Variants in FBN2 observed in about 807,000 individuals in gnomAD.
The protein encoded by FBN2 is fibrillin 2, also known as fibrillin-2.
In FBN2, 105 loss-of-function variants were observed where a neutral mutation model predicts 355.6. The observed-to-expected ratio is 0.30, with a 90% CI of 0.25 to 0.35. FBN2 has a LOEUF of 0.35. Among genes scored for constraint, FBN2 ranks in the 10% least tolerant of loss-of-function variants. The pLI is 1.00. For synonymous variants in FBN2, 1,350 were observed against 1,301.2 expected, an observed-to-expected ratio of 1.04 and a Z score of -0.81; for missense variants, 3,280 against 3,758.7, an observed-to-expected ratio of 0.87 and a Z score of 3.33.
At chr5:128,440,185 G>A (rs969709336) in intron 7 of FBN2, among the ~76,000 whole-genome samples, 1 of 151,998 alleles carries the variant, frequency 6.6e-6, no homozygotes, top group Non-Finnish European at 1.5e-5. Context: ...ATATTTTGCT[G>A]TCTTATCTTT....
Position 128,358,563 on chromosome 5 carries a change from T to C in FBN2, c.2555-1168A>G, listed in dbSNP as rs917988638. On this transcript the variant is annotated intron_variant, in intron 19 of 64. Transcript: ENST00000262464. ...GCTAATTTAATTCTTGAAATAGAAA[T>C]TGTTTGAAGAAATATGAATGTATTT... Among the ~76,000 whole-genome samples the C allele has an allele frequency of 6.1e-4, 93 of 152,220 alleles. 1 individual carries two copies. Among genetic ancestry groups the C allele is most frequent in the African/African-American group, 2.1e-3 (88 of 41,576 alleles).
chr5:128,329,123 T>C (rs1479566688), intron 33 of FBN2, among the ~76,000 whole-genome samples: 1 of 152,218 alleles, frequency 6.6e-6, no homozygotes, highest in Non-Finnish European at 1.5e-5. Flanking sequence ...GTTTCTCTTG[T>C]CAGTAGTATG....
chr5:128,497,369 G>C (rs1247614968), intron 5 of FBN2, among the ~76,000 whole-genome samples: 1 of 152,192 alleles, frequency 6.6e-6, no homozygotes, highest in Non-Finnish European at 1.5e-5. Flanking sequence ...TGAATTTCTA[G>C]GATCTGGTTT....
intron 17 of FBN2, among the ~76,000 whole-genome samples, chr5:128,366,150 T>A (rs1409868338): frequency 6.6e-6 from 1 of 152,066 alleles, no homozygotes; most frequent in African/African-American, 2.4e-5. Context: ...TTAGTGACAT[T>A]TTTAACAATG....
intron 20 of FBN2, among the ~76,000 whole-genome samples, chr5:128,356,643 T>A (rs1410365782): frequency 6.6e-6 from 1 of 152,242 alleles, no homozygotes; most frequent in Non-Finnish European, 1.5e-5. Context: ...TTCCTTGCAG[T>A]AACAGATCAA....
chr5:128,290,609 A>C, intron 50 of FBN2, 123 bp downstream of exon 50: 1 of 1,025,512 alleles, frequency 9.8e-7, no homozygotes, highest in Non-Finnish European at 1.5e-6. Context: ...GAACCATCAA[A>C]ACTTATATGC....
intron 5 of FBN2, among the ~76,000 whole-genome samples, chr5:128,502,460 C>T (rs1755845864): frequency 6.6e-6 from 1 of 151,914 alleles, no homozygotes; most frequent in Non-Finnish European, 1.5e-5. Context: ...GGTACAAACA[C>T]CCAAGTTAAA....
At position 128,330,628 on chromosome 5, in the gene FBN2, G is replaced by T. The variant is rs773650336; in HGVS notation, c.4290C>A (p.Gly1430=). 5.6e-6 allele frequency: 9 copies of T among 1,613,872 alleles called. No individual in the cohort carries two copies. In the African/African-American group the frequency reaches 1.2e-4, roughly 22 times the overall value. The part of the protein sequence containing the change: ...SINAQCVNTP[G]SYRCACSEGF... ...CTTCGGAGCAGGCACAGCGGTATGAGCCCGGGGTATTTACACACTGAGCAT... is the reference window on the plus strand; with the variant it reads ...CTTCGGAGCAGGCACAGCGGTATGATCCCGGGGTATTTACACACTGAGCAT... The change falls in exon 33 of 65, where the codon GGC becomes GGA. Residue 1430 remains glycine, a synonymous_variant. Transcript: ENST00000262464.
At chr5:128,346,839 A>C (rs983106221) in intron 23 of FBN2, among the ~76,000 whole-genome samples, 6 of 152,174 alleles carry the variant, frequency 3.9e-5, no homozygotes, top group African/African-American at 1.4e-4. Context: ...CCTGAGAAAA[A>C]GTCCTATTTT....
intron 55 of FBN2, among the ~76,000 whole-genome samples, chr5:128,281,859 T>A (rs1288257106): frequency 1.3e-5 from 2 of 152,028 alleles, no homozygotes; most frequent in Non-Finnish European, 2.9e-5. Context: ...CTAATTTTTT[T>A]ATTTTTATTT....
intron 7 of FBN2, among the ~76,000 whole-genome samples, chr5:128,431,860 C>A (rs1753635331): frequency 1.3e-5 from 2 of 152,282 alleles, no homozygotes; most frequent in Admixed American, 1.3e-4. Flanking sequence ...TGAGGCACAT[C>A]TCCAGCACAA....
chr5:128,332,765 C>T, intron 32 of FBN2, 147 bp downstream of exon 32: 1 of 797,934 alleles, frequency 1.3e-6, no homozygotes. Flanking sequence ...GGGTAAAGGA[C>T]ACCCTTAGGC....
In FBN2 at chr5:128,537,590, C is replaced by T. The variant is rs1194684025; in HGVS notation, c.14G>A (p.Arg5Gln). MGRR[R>Q]RLCLQLYFLW... Reference sequence around the variant, plus strand: ...GAAGTAGAGCTGGAGACACAGCCTCCGTCTTCTCCCCATCGCCGGCGCCGA... The same window carrying T: ...GAAGTAGAGCTGGAGACACAGCCTCTGTCTTCTCCCCATCGCCGGCGCCGA... Residue 5 changes from arginine (R) to glutamine (Q), a missense_variant, in exon 1 of 65, where the codon CGG (arginine) becomes CAG (glutamine). Coordinates refer to ENST00000262464, the MANE Select transcript of FBN2 (RefSeq NM_001999.4). The T allele has an allele frequency of 3.7e-6, 6 of 1,607,456 alleles. No individual in the cohort carries two copies. In the Admixed American group the frequency reaches 5.0e-5, roughly 13 times the overall value.
intron 25 of FBN2, among the ~76,000 whole-genome samples, chr5:128,339,574 C>A (rs1481308088): frequency 6.6e-6 from 1 of 151,950 alleles, no homozygotes; most frequent in Non-Finnish European, 1.5e-5. Context: ...AGAGGGACAA[C>A]CTGTCTCAAA....
intron 34 of FBN2, among the ~76,000 whole-genome samples, chr5:128,323,837 T>C (rs1222201973): frequency 6.6e-6 from 1 of 152,162 alleles, no homozygotes; most frequent in East Asian, 1.9e-4. Context: ...CCTCTTTCTG[T>C]TGTTTGGAAT....
At chr5:128,390,609 A>G (rs1360727711) in intron 11 of FBN2, among the ~76,000 whole-genome samples, 1 of 152,240 alleles carries the variant, frequency 6.6e-6, no homozygotes, top group African/African-American at 2.4e-5. Flanking sequence ...AATGTACATT[A>G]CACATTGTTG....
At position 128,318,962 on chromosome 5, in the gene FBN2, C is replaced by G. The variant is rs758852253; in HGVS notation, c.4511G>C (p.Gly1504Ala). 3.7e-6 allele frequency: 6 copies of G among 1,611,376 alleles called. No homozygotes were observed. The highest frequency in any genetic ancestry group is 3.4e-6 in the Non-Finnish European group (4 of 1,177,808). The change falls in exon 35 of 65, where the codon GGA (glycine) becomes GCA (alanine). Residue 1504 changes from glycine to alanine, a missense_variant. By Grantham distance (60) the Gly-to-Ala change is moderately conservative. Transcript: ENST00000262464. ...ECSFQNICVF[G>A]TCNNLPGMFH... ...CATTCCAGGCAGGTTATTACATGTT[C>G]CAAAGACACAAATGTTTTGGAAGGA...
At chr5:128,387,772 A>T (rs1752406649) in intron 11 of FBN2, among the ~76,000 whole-genome samples, 2 of 152,142 alleles carry the variant, frequency 1.3e-5, no homozygotes, top group African/African-American at 4.8e-5. Flanking sequence ...GTGTGTGGTT[A>T]ATCTAGAGTA....
intron 2 of FBN2, among the ~76,000 whole-genome samples, chr5:128,535,806 C>A: frequency 7.0e-6 from 1 of 142,936 alleles, no homozygotes; most frequent in Non-Finnish European, 1.5e-5. Flanking sequence ...ATTTAAACGT[C>A]TTCCAAAAAG....
Sources: allele counts gnomAD v4.1 joint callset (sites outside exome capture counted in the v4.1 genomes callset), GRCh38; gene constraint gnomAD v4.1.1; transcripts MANE v1.5; gene names NCBI Gene and HGNC (gene_info 2026-07-23, HGNC 2026-07-21).